SHCBP1: variants seen among roughly 807,000 people sequenced by gnomAD.
SHCBP1 encodes the protein SHC SH2 domain-binding protein 1.
In SHCBP1, 60 loss-of-function variants were observed where a neutral mutation model predicts 75.1. The observed-to-expected ratio is 0.80, with a 90% CI of 0.65 to 0.99. SHCBP1 has a LOEUF of 0.99. Among genes scored for constraint, SHCBP1 ranks in the 50% least tolerant of loss-of-function variants. SHCBP1 has a pLI of 0.00. For synonymous variants in SHCBP1, 290 were observed against 293.2 expected, an observed-to-expected ratio of 0.99 and a Z score of 0.11; for missense variants, 709 against 809.4, an observed-to-expected ratio of 0.88 and a Z score of 1.50.
intron 10 of SHCBP1, among the ~76,000 whole-genome samples, chr16:46,594,924 A>T (rs1465381493): frequency 6.6e-6 from 1 of 152,244 alleles, no homozygotes; most frequent in Non-Finnish European, 1.5e-5. Flanking sequence ...GGAGCAAGCT[A>T]TTGGTACATA....
At chr16:46,611,237 C>A (rs1201930959) in intron 4 of SHCBP1, among the ~76,000 whole-genome samples, 2 of 152,176 alleles carry the variant, frequency 1.3e-5, no homozygotes, top group Non-Finnish European at 2.9e-5. Flanking sequence ...TAGGCTTTGG[C>A]CACCTGCAAC....
intron 1 of SHCBP1, among the ~76,000 whole-genome samples, chr16:46,618,584 AT>A (rs1398180704): frequency 1.3e-5 from 2 of 152,098 alleles, no homozygotes; most frequent in African/African-American, 4.8e-5. Flanking sequence ...AGCGCTTAAG[AT>A]CTTTCACAGT....
At position 46,616,757 on chromosome 16, in the gene SHCBP1, G is replaced by T. The variant is rs534183147; in HGVS notation, c.388-603C>A. 6.6e-6 allele frequency among the ~76,000 whole-genome samples: 1 copy of T among 152,240 alleles called. No individual in the cohort carries two copies. The highest frequency in any genetic ancestry group is 2.1e-4 in the South Asian group (1 of 4,820). ...TCTTAGGAGTTTTAAGCAGAGAAAT[G>T]GCATGCTTCTGTTTTAAAACAATGA... is the stretch of plus-strand genomic sequence containing the variant. On this transcript the variant is annotated intron_variant, in intron 3 of 12. Transcript: ENST00000303383. The surrounding 1 kb of genome is among the most constrained non-coding windows in gnomAD (Gnocchi z 4.4).
At chr16:46,600,767 C>T (rs527712372) in intron 8 of SHCBP1, among the ~76,000 whole-genome samples, 22 of 152,180 alleles carry the variant, frequency 1.4e-4, no homozygotes, top group Non-Finnish European at 3.2e-4. Flanking sequence ...AATCCCAGCA[C>T]TTTGGGAGGC....
chr16:46,610,621 T>C (rs934219378), intron 4 of SHCBP1, among the ~76,000 whole-genome samples: 2 of 136,830 alleles, frequency 1.5e-5, no homozygotes, highest in Non-Finnish European at 3.1e-5. Context: ...AGTAGTAGCA[T>C]GACCTCGGCT....
intron 1 of SHCBP1, among the ~76,000 whole-genome samples, chr16:46,618,888 A>T (rs1300314225): frequency 6.6e-6 from 1 of 152,270 alleles, no homozygotes; most frequent in Non-Finnish European, 1.5e-5. Context: ...TACTACAGTT[A>T]GCCAGTGATA....
rs1446248215 is a variant in SHCBP1, at chr16:46,608,622, G to A, written c.597-233C>T. Among the ~76,000 whole-genome samples, 4 of 36,830 alleles carry A rather than the reference G, an allele frequency of 1.1e-4. No homozygotes were observed. In the South Asian group the frequency reaches 3.9e-3, roughly 36 times the overall value. The allele number at this position is 36,830 out of a possible 152,430, so 24.2% of individuals were successfully genotyped here. A position where few individuals can be genotyped will look rare whatever the true frequency, so the allele number is the denominator to read the frequency against. On this transcript the variant is annotated intron_variant, in intron 4 of 12. Transcript: ENST00000303383. ...TTAGGACTTTTTTTTTTTTTTTTTT[G>A]AGACACAGTCTCACTCTGTCTCTGG...
In SHCBP1 at chr16:46,581,221, A is replaced by G. The variant is rs1395009469; in HGVS notation, c.*508T>C. 1 of 154,208 alleles carries G rather than the reference A, an allele frequency of 6.5e-6. No homozygotes were observed. Among genetic ancestry groups the G allele is most frequent in the Non-Finnish European group, 1.4e-5 (1 of 69,120 alleles). The allele number at this position is 154,208 out of a possible 1,614,324, so 9.6% of individuals were successfully genotyped here. On this transcript the variant is annotated 3_prime_UTR_variant, in exon 13 of 13. Transcript: ENST00000303383. ...AATGCGTCCCATTGACGTCTCAATAATAAGTCTGATTAGGCAGATAAATTC... is the reference window on the plus strand; with the variant it reads ...AATGCGTCCCATTGACGTCTCAATAGTAAGTCTGATTAGGCAGATAAATTC...
At chr16:46,595,444 ACTGT>A in intron 10 of SHCBP1, 104 bp downstream of exon 10, 1 of 865,486 alleles carries the variant, frequency 1.2e-6, no homozygotes, top group Non-Finnish European at 1.9e-6. Flanking sequence ...GGTAGAGATG[ACTGT>A]CTGAAGAGAG....
chr16:46,594,052 A>G (rs541138147), intron 10 of SHCBP1, among the ~76,000 whole-genome samples: 6 of 152,314 alleles, frequency 3.9e-5, no homozygotes, highest in African/African-American at 1.4e-4. Flanking sequence ...GTGAAACAGA[A>G]TAGGAAAAGA....
intron 4 of SHCBP1, among the ~76,000 whole-genome samples, chr16:46,615,086 G>A (rs1003864007): frequency 2.0e-5 from 3 of 152,176 alleles, no homozygotes; most frequent in Non-Finnish European, 4.4e-5. Context: ...CTCTGGTGAA[G>A]ATGATGAGGA....
intron 11 of SHCBP1, 44 bp from the exon 12 acceptor site, chr16:46,583,701 C>T (rs1197711378): frequency 1.3e-6 from 2 of 1,573,112 alleles, no homozygotes. Flanking sequence ...TCATATTCAA[C>T]ATTTCCTGCC....
At chr16:46,585,941 A>G (rs1309447024) in intron 10 of SHCBP1, among the ~76,000 whole-genome samples, 1 of 152,150 alleles carries the variant, frequency 6.6e-6, no homozygotes, top group Non-Finnish European at 1.5e-5. Flanking sequence ...CATGACTTCT[A>G]CCTCCACCAG....
At position 46,605,383 on chromosome 16, in the gene SHCBP1, G is replaced by GT. The variant is rs778404940; in HGVS notation, c.690-923dup. On this transcript the variant is annotated intron_variant, in intron 5 of 12. Transcript: ENST00000303383. ...GCAGGCAGATCACTTGAGCCCAGGA[G>GT]TTTGAGGCCAGCCTGGGCAACATGG... Among the ~76,000 whole-genome samples, 10 of 152,310 alleles carry GT rather than the reference G, an allele frequency of 6.6e-5. No individual in the cohort carries two copies. In the East Asian group the frequency reaches 1.9e-3, roughly 29 times the overall value.
At chr16:46,583,371 A>T in intron 12 of SHCBP1, 145 bp downstream of exon 12, 1 of 785,348 alleles carries the variant, frequency 1.3e-6, no homozygotes, top group Non-Finnish European at 2.0e-6. Context: ...GTTATGACTT[A>T]ATGTTACCAA....
chr16:46,585,490 C>A (rs1964942443), intron 10 of SHCBP1, among the ~76,000 whole-genome samples: 1 of 152,078 alleles, frequency 6.6e-6, no homozygotes, highest in Non-Finnish European at 1.5e-5. Flanking sequence ...GCTGAAGAAG[C>A]CAGCAATCCA....
intron 4 of SHCBP1, among the ~76,000 whole-genome samples, chr16:46,609,594 G>C (rs962214719): frequency 6.6e-6 from 1 of 151,736 alleles, no homozygotes; most frequent in African/African-American, 2.4e-5. Flanking sequence ...TGGGATTACA[G>C]GCAACCGCCA....
intron 9 of SHCBP1, among the ~76,000 whole-genome samples, chr16:46,596,778 A>T (rs1219791743): frequency 6.7e-6 from 1 of 149,806 alleles, no homozygotes; most frequent in Non-Finnish European, 1.5e-5. Flanking sequence ...CCTGGGCTGG[A>T]GTGCAGTGGT....
At chr16:46,596,651 C>A (rs1347093704) in intron 9 of SHCBP1, among the ~76,000 whole-genome samples, 2 of 151,854 alleles carry the variant, frequency 1.3e-5, no homozygotes, top group African/African-American at 4.8e-5. Context: ...CTCCTGACCT[C>A]AGGTGATTCA....
Sources: allele counts gnomAD v4.1 joint callset (sites outside exome capture counted in the v4.1 genomes callset), GRCh38; gene constraint gnomAD v4.1.1; non-coding constraint Gnocchi (gnomAD v3.1); transcripts MANE v1.5; gene names NCBI Gene and HGNC (gene_info 2026-07-23, HGNC 2026-07-21).